PRUNE1: variants seen among roughly 807,000 people sequenced by gnomAD.
The protein encoded by PRUNE1 is exopolyphosphatase PRUNE1.
Under a neutral mutation model 42.5 loss-of-function variants are expected in PRUNE1, and 25 were observed. The observed-to-expected ratio is 0.59, with a 90% CI of 0.43 to 0.82. The LOEUF (loss-of-function observed/expected upper bound fraction) is 0.82. PRUNE1 is among the 40% of genes least tolerant of loss of function. The pLI is 0.00. For synonymous variants in PRUNE1, 203 were observed against 217.1 expected (o/e 0.93, Z 0.57); for missense variants, 443 against 539.3 (o/e 0.82, Z 1.77).
intron 3 of PRUNE1, among the ~76,000 whole-genome samples, chr1:151,019,485 G>A (rs1674289521): frequency 6.6e-6 from 1 of 150,704 alleles, no homozygotes; most frequent in Non-Finnish European, 1.5e-5. Flanking sequence ...GAGCCCAGGA[G>A]GTCGAATCTG....
At chr1:151,016,315 A>G (rs985515835) in intron 1 of PRUNE1, among the ~76,000 whole-genome samples, 8 of 152,152 alleles carry the variant, frequency 5.3e-5, no homozygotes, top group African/African-American at 1.7e-4. Context: ...CATTCCACCC[A>G]GCAGAATGCT....
intron 7 of PRUNE1, 122 bp downstream of exon 7, chr1:151,029,066 G>A (rs971584818): frequency 1.4e-5 from 14 of 1,035,230 alleles, no homozygotes; most frequent in Non-Finnish European, 1.9e-5. Context: ...ACTTACATGA[G>A]GTCCCTTGAC....
chr1:151,020,033 C>T (rs1674323875), intron 3 of PRUNE1, among the ~76,000 whole-genome samples: 1 of 147,136 alleles, frequency 6.8e-6, no homozygotes, highest in Non-Finnish European at 1.5e-5. Context: ...GGGTTTTGCG[C>T]TGTTGGCCAG....
chr1:151,034,273 A>T lies in PRUNE1; in HGVS notation c.*39A>T, dbSNP rs1283367373. ...AGGAGGTAGTGGGTGAGGCTACCTG[A>T]CTCACTTCAAATGCATGTTTTGAGA... On this transcript the variant is annotated 3_prime_UTR_variant, in exon 8 of 8. Transcript: ENST00000271620. The T allele has an allele frequency of 1.3e-6, 2 of 1,562,488 alleles. No homozygotes were observed. The highest frequency in any genetic ancestry group is 4.5e-5 in the East Asian group (2 of 44,292).
intron 1 of PRUNE1, among the ~76,000 whole-genome samples, chr1:151,016,306 A>G (rs954044136): frequency 2.0e-5 from 3 of 152,140 alleles, no homozygotes; most frequent in Non-Finnish European, 4.4e-5. Flanking sequence ...TTCTGGTCTC[A>G]TTCCACCCAG....
In PRUNE1 at chr1:151,034,551, A is replaced by G. The variant is rs1256631234; in HGVS notation, c.*317A>G. The G allele has an allele frequency of 2.3e-5, 7 of 307,612 alleles. No homozygotes were observed. Among genetic ancestry groups the G allele is most frequent in the Admixed American group, 4.4e-5 (1 of 22,630 alleles). 19.1% of individuals were successfully genotyped at this position (307,612 alleles called of 1,614,324 possible). Reference sequence around the variant, plus strand: ...TGGGACAAAAAGAATTTAGACCCCAAAAGTGTCCTCGGCATGGATCTTGAA... The same window carrying G: ...TGGGACAAAAAGAATTTAGACCCCAGAAGTGTCCTCGGCATGGATCTTGAA... On this transcript the variant is annotated 3_prime_UTR_variant, in exon 8 of 8. Transcript: ENST00000271620.
rs1177240479 is a variant in PRUNE1 at position 151,027,215 on chromosome 1, C to T, written c.680-18C>T. ...TGGCCTACCCTGTTTGACCCCTAGT[C>T]TCTCATCTGCTTTCTAGGACTGACC... On this transcript the variant is annotated intron_variant, in intron 5 of 7. Transcript: ENST00000271620. 5 of 1,572,556 alleles carry T rather than the reference C, an allele frequency of 3.2e-6. No individual in the cohort carries two copies.
In PRUNE1 at chr1:151,008,493, T is replaced by C. The variant is rs1320908760; in HGVS notation, c.-140T>C. On this transcript the variant is annotated 5_prime_UTR_variant, in exon 1 of 8. Transcript: ENST00000271620. Reference sequence around the variant, plus strand: ...CCCGGGGTCGGAGGCCGATTCGCCGTGTGGCGGGTTCGAGTCCCGCCTCCT... The same window carrying C: ...CCCGGGGTCGGAGGCCGATTCGCCGCGTGGCGGGTTCGAGTCCCGCCTCCT... The C allele has an allele frequency of 1.6e-6, 2 of 1,240,084 alleles. No individual in the cohort carries two copies. Among genetic ancestry groups the C allele is most frequent in the Admixed American group, 1.8e-5 (1 of 56,020 alleles). The allele number at this position is 1,240,084 out of a possible 1,614,324, so 76.8% of individuals were successfully genotyped here. A position where few individuals can be genotyped will look rare whatever the true frequency, so the allele number is the denominator to read the frequency against.
chr1:151,024,708 G>C lies in PRUNE1; in HGVS notation c.433G>C (p.Val145Leu). Residue 145 changes from valine (V) to leucine (L), a missense_variant, in exon 4 of 8, where the codon GTG becomes CTG. Val to Leu is a conservative substitution (Grantham distance 32). Coordinates refer to ENST00000271620, the MANE Select transcript of PRUNE1 (RefSeq NM_021222.3). ...TCCCTGCCATGTTTCAGTTGAGCTG[G>C]TGGGGTCCTGTGCTACCCTGGTGAC... ...CPPCHVSVEL[V>L]GSCATLVTER... The C allele has an allele frequency of 6.2e-7, 1 of 1,614,140 alleles. No homozygotes were observed. The highest frequency in any genetic ancestry group is 2.2e-5 in the East Asian group (1 of 44,874).
chr1:151,018,722 A>C, intron 3 of PRUNE1, 53 bp downstream of exon 3: 1 of 1,511,554 alleles, frequency 6.6e-7, no homozygotes, highest in Non-Finnish European at 9.1e-7. Context: ...CTGGGCTCTG[A>C]TGAGTGAGAT....
At chr1:151,028,002 A>G (rs904796806) in intron 6 of PRUNE1, among the ~76,000 whole-genome samples, 1 of 152,022 alleles carries the variant, frequency 6.6e-6, no homozygotes, top group African/African-American at 2.4e-5. Context: ...CTCTGGCCTC[A>G]TCTCATTCCA....
intron 7 of PRUNE1, among the ~76,000 whole-genome samples, chr1:151,030,867 G>A (rs1675199298): frequency 6.6e-6 from 1 of 152,190 alleles, no homozygotes; most frequent in Non-Finnish European, 1.5e-5. Flanking sequence ...GCTAAGGCAA[G>A]TCAGTTGACT....
At position 151,008,592 on chromosome 1, in the gene PRUNE1, C is replaced by T. The variant is rs367784886; in HGVS notation, c.-41C>T. The T allele has an allele frequency of 1.2e-6, 2 of 1,612,856 alleles. No homozygotes were observed. The highest frequency in any genetic ancestry group is 1.7e-6 in the Non-Finnish European group (2 of 1,179,038). ...GAAACCTCTCCTCGACCAGGGGCAC[C>T]TCTACTCGACCAGGGGCGACGGCGT... On this transcript the variant is annotated 5_prime_UTR_variant, in exon 1 of 8. Coordinates refer to ENST00000271620, the MANE Select transcript of PRUNE1 (RefSeq NM_021222.3).
chr1:151,027,354 G>T (rs372937748), intron 6 of PRUNE1, 27 bp downstream of exon 6: 3 of 1,526,802 alleles, frequency 2.0e-6, no homozygotes, highest in Admixed American at 3.4e-5. Flanking sequence ...GCTGTGGGTG[G>T]GGAGAGAAAG....
In PRUNE1 at chr1:151,025,585, T is replaced by C. The variant is rs777317009; in HGVS notation, c.591T>C (p.Tyr197=). 3.1e-6 allele frequency: 5 copies of C among 1,613,618 alleles called. No individual in the cohort carries two copies. Among genetic ancestry groups the C allele is most frequent in the East Asian group, 2.2e-5 (1 of 44,894 alleles). The change falls in exon 5 of 8, where the codon TAT becomes TAC. Residue 197 remains tyrosine (Y), a synonymous_variant. Transcript: ENST00000271620. ...IGKATPKDSK[Y]VEKLEALFPD... ...AGGCAACCCCAAAGGACAGCAAATA[T>C]GTGGAGAAACTAGAGGCCCTTTTCC...
intron 6 of PRUNE1, 142 bp downstream of exon 6, chr1:151,027,469 A>C (rs1337679509): frequency 4.8e-6 from 3 of 628,982 alleles, no homozygotes; most frequent in Non-Finnish European, 8.6e-6. Flanking sequence ...TGTGACCACC[A>C]GAGTCCAGCA....
At position 151,024,724 on chromosome 1, in the gene PRUNE1, C is replaced by T; in HGVS notation, c.449C>T (p.Thr150Ile). The change falls in exon 4 of 8, where the codon ACC (threonine) becomes ATC (isoleucine). Residue 150 changes from threonine to isoleucine, a missense_variant. Transcript: ENST00000271620. ...GTTGAGCTGGTGGGGTCCTGTGCTA[C>T]CCTGGTGACCGAGAGAATCCTGCAG... ...VSVELVGSCA[T>I]LVTERILQGA... The T allele has an allele frequency of 6.2e-7, 1 of 1,614,152 alleles. No homozygotes were observed. Among genetic ancestry groups the T allele is most frequent in the Admixed American group, 1.7e-5 (1 of 60,012 alleles).
chr1:151,008,498 C>A lies in PRUNE1; in HGVS notation c.-135C>A, dbSNP rs181435412. On this transcript the variant is annotated 5_prime_UTR_variant, in exon 1 of 8. Coordinates refer to ENST00000271620, the MANE Select transcript of PRUNE1 (RefSeq NM_021222.3). ...GGTCGGAGGCCGATTCGCCGTGTGG[C>A]GGGTTCGAGTCCCGCCTCCTGACTC... 6.7e-4 allele frequency: 850 copies of A among 1,271,024 alleles called. 5 individuals are homozygous for A. The African/African-American group carries it at 0.011, about 16-fold the overall frequency. 78.7% of individuals were successfully genotyped at this position (1,271,024 alleles called of 1,614,324 possible). A position where few individuals can be genotyped will look rare whatever the true frequency, so the allele number is the denominator to read the frequency against.
rs587667625 is a variant in PRUNE1 at position 151,021,820 on chromosome 1, T to TTG, written c.336-2769_336-2768dup. The stretch of plus-strand genomic sequence containing the variant: ...GCAACCTCCGCCTCCCGGGATAATT[T>TTG]TGTGTGTGTGTGTGTGTGTGTGTTT... On this transcript the variant is annotated intron_variant, in intron 3 of 7. Transcript: ENST00000271620. Among the ~76,000 whole-genome samples the TTG allele has an allele frequency of 8.3e-3, 1,234 of 148,088 alleles. 11 individuals are homozygous for TTG. Among genetic ancestry groups the TTG allele is most frequent in the African/African-American group, 0.023 (938 of 40,436 alleles).
Sources: allele counts gnomAD v4.1 joint callset (sites outside exome capture counted in the v4.1 genomes callset), GRCh38; gene constraint gnomAD v4.1.1; transcripts MANE v1.5; gene names NCBI Gene and HGNC (gene_info 2026-07-23, HGNC 2026-07-21).